Variants in HEMK2 observed in about 807,000 individuals in gnomAD.
The protein encoded by HEMK2 is methyltransferase HEMK2.
the HEMK2 span, among the ~76,000 whole-genome samples, chr21:28,784,140 C>A: frequency 6.6e-6 from 1 of 152,146 alleles, no homozygotes; most frequent in Admixed American, 6.5e-5. Context: ...CTGAAGAGTG[C>A]GGGCACACAG....
chr21:28,831,220 G>A, the HEMK2 span, among the ~76,000 whole-genome samples: 1 of 151,828 alleles, frequency 6.6e-6, no homozygotes, highest in Non-Finnish European at 1.5e-5. Context: ...CGAGGTGGGT[G>A]GATCACTTGA....
the HEMK2 span, among the ~76,000 whole-genome samples, chr21:28,799,319 C>A: frequency 6.6e-6 from 1 of 152,138 alleles, no homozygotes; most frequent in Non-Finnish European, 1.5e-5. Context: ...TTTTTAAAAT[C>A]ATCAGATCTC....
At chr21:28,632,589 G>A in the HEMK2 span, among the ~76,000 whole-genome samples, 59 of 152,158 alleles carry the variant, frequency 3.9e-4, no homozygotes, top group Non-Finnish European at 7.5e-4. Flanking sequence ...CACAAAATGT[G>A]TTTTCATTTT....
the HEMK2 span, among the ~76,000 whole-genome samples, chr21:28,639,157 T>A: frequency 6.6e-6 from 1 of 152,200 alleles, no homozygotes. Flanking sequence ...GAAACCAAGT[T>A]AAGAAACCTT....
At chr21:28,878,229 T>G in the HEMK2 span, 1 of 1,599,244 alleles carries the variant, frequency 6.3e-7, no homozygotes, top group Non-Finnish European at 8.5e-7. Context: ...AATAGAATAA[T>G]CCTCTTGGTG....
chr21:28,626,066 G>A, the HEMK2 span, among the ~76,000 whole-genome samples: 1 of 152,006 alleles, frequency 6.6e-6, no homozygotes, highest in East Asian at 1.9e-4. Flanking sequence ...ACAGGAAACA[G>A]TAAATAACAA....
At chr21:28,775,867 G>A in the HEMK2 span, among the ~76,000 whole-genome samples, 3 of 152,086 alleles carry the variant, frequency 2.0e-5, no homozygotes, top group African/African-American at 7.2e-5. Context: ...AAATAAATTA[G>A]AGAGCAAAGT....
the HEMK2 span, among the ~76,000 whole-genome samples, chr21:28,840,145 G>A: frequency 6.6e-6 from 1 of 152,118 alleles, no homozygotes; most frequent in South Asian, 2.1e-4. Context: ...AATGGTGCTG[G>A]GATAATTGCC....
chr21:28,598,343 T>C, the HEMK2 span, among the ~76,000 whole-genome samples: 6 of 152,200 alleles, frequency 3.9e-5, no homozygotes, highest in Admixed American at 1.3e-4. Context: ...TGTTTTGCTT[T>C]GAGGTGCTGG....
chr21:28,766,402 G>A, the HEMK2 span, among the ~76,000 whole-genome samples: 1 of 151,490 alleles, frequency 6.6e-6, no homozygotes, highest in African/African-American at 2.4e-5. Flanking sequence ...TTATACTGCT[G>A]GTGGGAGTGT....
At chr21:28,781,305 T>C in the HEMK2 span, among the ~76,000 whole-genome samples, 2 of 152,246 alleles carry the variant, frequency 1.3e-5, no homozygotes, top group Admixed American at 1.3e-4. Flanking sequence ...ATATCAACTT[T>C]AGAGGCTTTC....
chr21:28,646,431 G>A, the HEMK2 span, among the ~76,000 whole-genome samples: 54 of 152,260 alleles, frequency 3.5e-4, 1 homozygote, highest in Middle Eastern at 3.4e-3. Flanking sequence ...GAGTGGAGGG[G>A]GAAGAACATT....
the HEMK2 span, chr21:28,885,284 T>C: frequency 2.5e-6 from 4 of 1,593,050 alleles, no homozygotes; most frequent in Non-Finnish European, 2.6e-6. Context: ...CTCGTACACG[T>C]CGCTGAAGGC....
At chr21:28,726,185 T>C in the HEMK2 span, among the ~76,000 whole-genome samples, 1 of 152,130 alleles carries the variant, frequency 6.6e-6, no homozygotes. Flanking sequence ...TAAATTAACA[T>C]TTTTTAAAAA....
the HEMK2 span, among the ~76,000 whole-genome samples, chr21:28,735,105 G>A: frequency 6.6e-6 from 1 of 152,166 alleles, no homozygotes; most frequent in Non-Finnish European, 1.5e-5. Flanking sequence ...TCTTGCCAAG[G>A]TTCCAAGAGA....
chr21:28,831,465 A>AAGAAAGAGAGAAAGAAAGAG, the HEMK2 span, among the ~76,000 whole-genome samples: 1 of 21,902 alleles, frequency 4.6e-5, no homozygotes, highest in Non-Finnish European at 7.7e-5. Flanking sequence ...AAAAGAACGA[A>AAGAAAGAGAGAAAGAAAGAG]AGAAAGAAAG....
At chr21:28,587,335 T>C in the HEMK2 span, among the ~76,000 whole-genome samples, 1 of 152,206 alleles carries the variant, frequency 6.6e-6, no homozygotes, top group African/African-American at 2.4e-5. Context: ...ATTATCTTAC[T>C]CTAATCCTTA....
At chr21:28,659,458 T>A in the HEMK2 span, among the ~76,000 whole-genome samples, 1 of 152,046 alleles carries the variant, frequency 6.6e-6, no homozygotes, top group African/African-American at 2.4e-5. Flanking sequence ...TTTATCTTCA[T>A]CCCAGGCATT....
the HEMK2 span, among the ~76,000 whole-genome samples, chr21:28,794,381 T>C: frequency 6.6e-6 from 1 of 152,160 alleles, no homozygotes; most frequent in East Asian, 1.9e-4. Context: ...TATGGATGAG[T>C]GTAATGAGAA....
Sources: allele counts gnomAD v4.1 joint callset (sites outside exome capture counted in the v4.1 genomes callset), GRCh38; gene constraint gnomAD v4.1.1; transcripts MANE v1.5; gene names NCBI Gene and HGNC (gene_info 2026-07-23, HGNC 2026-07-21).